The following PRKCA variants were observed in gnomAD, a reference collection of about 807,000 sequenced individuals.
The protein encoded by PRKCA is protein kinase C alpha type.
In PRKCA, 27 loss-of-function variants were observed where a neutral mutation model predicts 87.0. That is an observed-to-expected ratio of 0.31 (90% CI 0.23 to 0.43). PRKCA has a LOEUF of 0.43. PRKCA is among the 20% of genes least tolerant of loss of function. The pLI is 1.00. For synonymous variants in PRKCA, 329 were observed against 311.1 expected (o/e 1.06, Z -0.61); for missense variants, 518 against 852.3 (o/e 0.61, Z 4.88).
At chr17:66,730,568 A>G (rs1225285730) in intron 8 of PRKCA, among the ~76,000 whole-genome samples, 3 of 152,212 alleles carry the variant, frequency 2.0e-5, no homozygotes. Context: ...ACATATTGCC[A>G]TGACATTTGT....
rs560348754 is a variant in PRKCA, at chr17:66,721,344, C to T, written c.919-11344C>T. Among the ~76,000 whole-genome samples, 7 of 147,982 alleles carry T rather than the reference C, an allele frequency of 4.7e-5. No individual in the cohort carries two copies. The East Asian group carries it at 1.2e-3, about 25-fold the overall frequency. On this transcript the variant is annotated intron_variant, in intron 8 of 16. Coordinates refer to ENST00000413366, the MANE Select transcript of PRKCA (RefSeq NM_002737.3). ...TCCGGAGGTGGAGCTTGCAGTGAGCCGAGATCGGGCCACTGCACTCCAGCC... is the reference window on the plus strand; with the variant it reads ...TCCGGAGGTGGAGCTTGCAGTGAGCTGAGATCGGGCCACTGCACTCCAGCC...
chr17:66,766,306 A>G (rs1974810364), intron 13 of PRKCA, among the ~76,000 whole-genome samples: 1 of 152,178 alleles, frequency 6.6e-6, no homozygotes, highest in Admixed American at 6.5e-5. Context: ...TCAGGTGGCC[A>G]TGGCCTTTAG....
intron 8 of PRKCA, among the ~76,000 whole-genome samples, chr17:66,714,928 T>C (rs1233568107): frequency 6.6e-6 from 1 of 152,124 alleles, no homozygotes; most frequent in African/African-American, 2.4e-5. Flanking sequence ...GGCCCCTTGG[T>C]TTTAAAAACT....
chr17:66,697,145 A>G (rs1230785959), intron 8 of PRKCA, among the ~76,000 whole-genome samples: 1 of 152,232 alleles, frequency 6.6e-6, no homozygotes, highest in Admixed American at 6.5e-5. Flanking sequence ...CAGTCTGTCT[A>G]CCTCTTGTGA....
In PRKCA at chr17:66,455,481, G is replaced by T. The variant is rs986320457; in HGVS notation, c.206-40720G>T. ...TGATGGTAAATGCAGAAGCATCAGC[G>T]AAGCCATAGGCTTTATGATCATTTA... On this transcript the variant is annotated intron_variant, in intron 2 of 16. Coordinates refer to ENST00000413366, the MANE Select transcript of PRKCA (RefSeq NM_002737.3). Among the ~76,000 whole-genome samples the T allele has an allele frequency of 2.6e-5, 4 of 152,304 alleles. No individual in the cohort carries two copies. In the East Asian group the frequency reaches 7.7e-4, roughly 29 times the overall value.
chr17:66,677,196 C>T (rs1304240069), intron 5 of PRKCA: 1 of 152,134 alleles, frequency 6.6e-6, no homozygotes, highest in African/African-American at 2.4e-5. Flanking sequence ...TCTCCTGCCT[C>T]AGACCCCTGA....
chr17:66,674,870 T>G (rs1160858564), intron 5 of PRKCA, among the ~76,000 whole-genome samples: 1 of 152,328 alleles, frequency 6.6e-6, no homozygotes, highest in East Asian at 1.9e-4. Context: ...GACTCTTCAT[T>G]GTTCATGCTT....
At chr17:66,453,405 C>T (rs1308890405) in intron 2 of PRKCA, among the ~76,000 whole-genome samples, 1 of 151,924 alleles carries the variant, frequency 6.6e-6, no homozygotes, top group Admixed American at 6.6e-5. Context: ...GCAACCTCCA[C>T]CTCCTGGGTT....
chr17:66,606,896 C>G (rs1051390736), intron 3 of PRKCA, among the ~76,000 whole-genome samples: 19 of 152,054 alleles, frequency 1.2e-4, no homozygotes, highest in Middle Eastern at 6.8e-3. Flanking sequence ...AATTCAGTTA[C>G]TAAGATTTTA....
chr17:66,376,237 C>T (rs1487317357), intron 2 of PRKCA, among the ~76,000 whole-genome samples: 1 of 152,136 alleles, frequency 6.6e-6, no homozygotes, highest in African/African-American at 2.4e-5. Flanking sequence ...GGCCCCCTGG[C>T]ACAGTAGGAG....
At chr17:66,363,365 CT>C (rs1416207162) in intron 2 of PRKCA, among the ~76,000 whole-genome samples, 5 of 152,196 alleles carry the variant, frequency 3.3e-5, no homozygotes, top group South Asian at 2.1e-4. Context: ...GAAACAGTTA[CT>C]GATTTTCTTA....
At chr17:66,410,041 T>TACCAGCTG (rs1237353590) in intron 2 of PRKCA, among the ~76,000 whole-genome samples, 3 of 152,222 alleles carry the variant, frequency 2.0e-5, no homozygotes, top group African/African-American at 7.2e-5. Flanking sequence ...AATAAACAAG[T>TACCAGCTG]ACCAGCTGTT....
At chr17:66,781,936 CAG>C (rs1300256069) in intron 14 of PRKCA, among the ~76,000 whole-genome samples, 2 of 138,408 alleles carry the variant, frequency 1.4e-5, no homozygotes, top group Non-Finnish European at 1.6e-5. Context: ...GTGAGTGTGA[CAG>C]AGTCTTGCTC....
At chr17:66,407,461 C>G (rs942592138) in intron 2 of PRKCA, among the ~76,000 whole-genome samples, 3 of 152,136 alleles carry the variant, frequency 2.0e-5, no homozygotes, top group Non-Finnish European at 4.4e-5. Flanking sequence ...AGAAGCCAAG[C>G]GGAAGCCACT....
intron 13 of PRKCA, among the ~76,000 whole-genome samples, chr17:66,756,822 C>T (rs1038609693): frequency 4.6e-5 from 7 of 151,998 alleles, no homozygotes; most frequent in Non-Finnish European, 8.8e-5. Context: ...CCACCATGCC[C>T]AGCTAATTTT....
At chr17:66,311,704 T>C (rs1373305291) in intron 2 of PRKCA, among the ~76,000 whole-genome samples, 1 of 152,206 alleles carries the variant, frequency 6.6e-6, no homozygotes, top group African/African-American at 2.4e-5. Context: ...TACTTAGAAG[T>C]AGGGATGGTT....
At chr17:66,353,422 A>C (rs1204888591) in intron 2 of PRKCA, among the ~76,000 whole-genome samples, 1 of 152,172 alleles carries the variant, frequency 6.6e-6, no homozygotes, top group Non-Finnish European at 1.5e-5. Flanking sequence ...TTCTGTTTTG[A>C]AAGCACCAAG....
chr17:66,302,843 G>C lies in PRKCA; in HGVS notation c.-9G>C, dbSNP rs367919810. On this transcript the variant is annotated 5_prime_UTR_variant, in exon 1 of 17. Coordinates refer to ENST00000413366, the MANE Select transcript of PRKCA (RefSeq NM_002737.3). ...CCCCGGCGGAGGCAAGAGGTGGTTG[G>C]GGGGGACCATGGCTGACGTTTTCCC... The C allele has an allele frequency of 3.4e-5, 54 of 1,591,262 alleles. No individual in the cohort carries two copies. Among genetic ancestry groups the C allele is most frequent in the Non-Finnish European group, 4.0e-5 (47 of 1,169,594 alleles).
intron 3 of PRKCA, among the ~76,000 whole-genome samples, chr17:66,590,814 C>T (rs532168279): frequency 1.4e-4 from 22 of 152,182 alleles, no homozygotes; most frequent in African/African-American, 5.1e-4. Context: ...CACGCTACTG[C>T]ACTCCAGCCT....
Sources: allele counts gnomAD v4.1 joint callset (sites outside exome capture counted in the v4.1 genomes callset), GRCh38; gene constraint gnomAD v4.1.1; transcripts MANE v1.5; gene names NCBI Gene and HGNC (gene_info 2026-07-23, HGNC 2026-07-21).